Variants in SARDH observed in about 807,000 individuals in gnomAD.
SARDH encodes sarcosine dehydrogenase.
SARDH carries 95 observed loss-of-function variants against 109.1 expected under a neutral mutation model. The ratio of observed to expected loss-of-function variants is 0.87; its 90% CI spans 0.74 to 1.03. The LOEUF is 1.03. SARDH is among the 50% of genes least tolerant of loss of function. The pLI is 0.00. For synonymous variants in SARDH, 572 were observed against 534.8 expected, an observed-to-expected ratio of 1.07 and a Z score of -0.96; for missense variants, 1,267 against 1,287.8, an observed-to-expected ratio of 0.98 and a Z score of 0.25.
chr9:133,721,321 G>A (rs944604486), intron 6 of SARDH, among the ~76,000 whole-genome samples: 8 of 152,174 alleles, frequency 5.3e-5, no homozygotes, highest in Non-Finnish European at 1.2e-4. Flanking sequence ...CTCTTCAAAC[G>A]TCTAATGGAT....
intron 13 of SARDH, among the ~76,000 whole-genome samples, chr9:133,702,616 G>A (rs1223981559): frequency 6.6e-6 from 1 of 152,234 alleles, no homozygotes; most frequent in Admixed American, 6.5e-5. Flanking sequence ...GAGGCTCAGA[G>A]CGGTGCAGCC....
At chr9:133,707,125 A>C (rs1201615518) in intron 11 of SARDH, among the ~76,000 whole-genome samples, 1 of 152,216 alleles carries the variant, frequency 6.6e-6, no homozygotes, top group East Asian at 1.9e-4. Context: ...GCGGCTGTCA[A>C]GTGTCGCAAG....
rs987679274 is a variant in SARDH at position 133,711,594 on chromosome 9, G to A, written c.1328+1025C>T. 2.6e-5 allele frequency among the ~76,000 whole-genome samples: 4 copies of A among 152,280 alleles called. No homozygotes were observed. The South Asian group carries it at 6.2e-4, about 24-fold the overall frequency. The stretch of plus-strand genomic sequence containing the variant: ...GGGGGGCCTCAGTGTCACTGTCTCC[G>A]TGGGGTCAGACATTCTTCTCCACAG... On this transcript the variant is annotated intron_variant, in intron 10 of 20. Transcript: ENST00000439388.
chr9:133,735,719 T>TAAA (rs769045818), intron 1 of SARDH, among the ~76,000 whole-genome samples: 48 of 152,098 alleles, frequency 3.2e-4, no homozygotes, highest in Non-Finnish European at 5.3e-4. Context: ...ATTCTAATAG[T>TAAA]AAAAAAACAC....
intron 8 of SARDH, among the ~76,000 whole-genome samples, chr9:133,713,447 G>A (rs1032001258): frequency 6.6e-6 from 1 of 152,176 alleles, no homozygotes; most frequent in Admixed American, 6.5e-5. Flanking sequence ...ACCATGCTGC[G>A]GCTCCCCCAG....
At chr9:133,678,137 C>T (rs147532498) in intron 17 of SARDH, among the ~76,000 whole-genome samples, 4 of 152,286 alleles carry the variant, frequency 2.6e-5, no homozygotes, top group Middle Eastern at 3.4e-3. Flanking sequence ...ACTTAGGTGG[C>T]AAGTGTCGGT....
intron 14 of SARDH, among the ~76,000 whole-genome samples, chr9:133,694,665 T>A (rs796306474): frequency 3.0e-4 from 46 of 152,306 alleles, no homozygotes; most frequent in African/African-American, 1.0e-3. Context: ...CTCCCACCCA[T>A]CCACCACCAT....
chr9:133,719,516 G>C (rs1424760862), intron 6 of SARDH, among the ~76,000 whole-genome samples: 1 of 152,072 alleles, frequency 6.6e-6, no homozygotes, highest in Non-Finnish European at 1.5e-5. Flanking sequence ...AATCTTCAGA[G>C]CCACCCCAGG....
At chr9:133,660,021 T>C (rs983868916), downstream of SARDH, among the ~76,000 whole-genome samples, 1 of 152,056 alleles carries the variant, frequency 6.6e-6, no homozygotes, top group East Asian at 1.9e-4. Flanking sequence ...TTGGGAATCC[T>C]AGCCAGCTCT....
In SARDH at chr9:133,704,292, C is replaced by T. The variant is rs866565329; in HGVS notation, c.1554+656G>A. On this transcript the variant is annotated intron_variant, in intron 12 of 20. Transcript: ENST00000439388. The surrounding 1 kb of genome is among the most constrained non-coding windows in gnomAD (Gnocchi z 4.5). ...AGAGGGGACTGGTGAGACGCAGCCC[C>T]GGGAAGGGGATTTCGATTTCTGTAA... Among the ~76,000 whole-genome samples, 14 of 152,110 alleles carry T rather than the reference C, an allele frequency of 9.2e-5. No individual in the cohort carries two copies. The highest frequency in any genetic ancestry group is 2.7e-4 in the African/African-American group (11 of 41,406).
Position 133,719,026 on chromosome 9 carries a change from C to A in SARDH, c.932G>T (p.Arg311Leu). ...IEGIQNMPNV[R>L]DHDASVYLRL... ...GAGGTAGACAGAGGCATCATGATCA[C>A]GGACATTGGGCATGTTCTGGAAGGC... The change falls in exon 7 of 21, where the codon CGT becomes CTT. Residue 311 changes from arginine (R) to leucine (L), a missense_variant. Arg to Leu is a moderately radical substitution (Grantham distance 102). Coordinates refer to ENST00000439388, the MANE Select transcript of SARDH (RefSeq NM_001134707.2). The A allele has an allele frequency of 6.2e-7, 1 of 1,614,120 alleles. No homozygotes were observed. The highest frequency in any genetic ancestry group is 1.7e-5 in the Admixed American group (1 of 60,018).
At chr9:133,737,119 C>T (rs1184483186) in intron 1 of SARDH, among the ~76,000 whole-genome samples, 1 of 152,248 alleles carries the variant, frequency 6.6e-6, no homozygotes, top group East Asian at 1.9e-4. Context: ...TCAGGACCCA[C>T]TGCCACACTC....
Position 133,732,445 on chromosome 9 carries a change from T to G in SARDH, c.488A>C (p.Asp163Ala). The G allele has an allele frequency of 7.0e-7, 1 of 1,419,314 alleles. No homozygotes were observed. Among genetic ancestry groups the G allele is most frequent in the Non-Finnish European group, 9.5e-7 (1 of 1,057,704 alleles). The allele number at this position is 1,419,314 out of a possible 1,614,324, so 87.9% of individuals were successfully genotyped here. A position where few individuals can be genotyped will look rare whatever the true frequency, so the allele number is the denominator to read the frequency against. The change falls in exon 3 of 21, where the codon GAC becomes GCC. Residue 163 changes from aspartate (D) to alanine (A), a missense_variant. By Grantham distance (126) the Asp-to-Ala change is moderately radical. Transcript: ENST00000439388. ...LFIASNRQRL[D>A]EYKRLMSLGK... is the part of the protein sequence containing the mutation. ...CACCGACATGAGCCTCTTGTACTCG[T>G]CCAGGCGCTGCCGGTTGGACGCGAT... is the stretch of plus-strand genomic sequence containing the variant.
At chr9:133,671,324 C>A (rs1830338574) in intron 18 of SARDH, among the ~76,000 whole-genome samples, 1 of 152,068 alleles carries the variant, frequency 6.6e-6, no homozygotes, top group South Asian at 2.1e-4. Context: ...GTCCCTGGGG[C>A]CCTGCACGAA....
At chr9:133,661,043 AAATAC>A (rs1162607556), downstream of SARDH, among the ~76,000 whole-genome samples, 3 of 152,284 alleles carry the variant, frequency 2.0e-5, no homozygotes, top group East Asian at 5.8e-4. Context: ...TCTCTACAAA[AAATAC>A]AATAATTAGG....
chr9:133,662,227 C>T (rs572699418), downstream of SARDH, among the ~76,000 whole-genome samples: 2 of 152,146 alleles, frequency 1.3e-5, no homozygotes, highest in African/African-American at 4.8e-5. The surrounding 1 kb of genome is among the most constrained non-coding windows in gnomAD (Gnocchi z 5.1). Flanking sequence ...GGTGCCGTTG[C>T]GTGCATTCCC....
At chr9:133,664,712 CCTT>C (rs1442484636) in intron 20 of SARDH, among the ~76,000 whole-genome samples, 2 of 152,154 alleles carry the variant, frequency 1.3e-5, no homozygotes, top group Non-Finnish European at 1.5e-5. Context: ...TCAGAGGGCT[CCTT>C]CTTGTTCCTA....
At chr9:133,702,817 G>A in intron 13 of SARDH, 99 bp downstream of exon 13, 1 of 1,007,882 alleles carries the variant, frequency 9.9e-7, no homozygotes, top group East Asian at 2.5e-5. Context: ...GACTCCTGGG[G>A]GAGGGGAGCC....
Position 133,712,567 on chromosome 9 carries a change from G to T in SARDH, c.1328+52C>A. 2 of 1,513,172 alleles carry T rather than the reference G, an allele frequency of 1.3e-6. No homozygotes were observed. Among genetic ancestry groups the T allele is most frequent in the Non-Finnish European group, 1.8e-6 (2 of 1,098,660 alleles). 93.7% of individuals were successfully genotyped at this position (1,513,172 alleles called of 1,614,324 possible). ...CAGTAGCCCTCGCTGTTTACCCCAC[G>T]CCACCTGTCCTGAGTGGCGGGCCCT... is the stretch of plus-strand genomic sequence containing the variant. On this transcript the variant is annotated intron_variant, in intron 10 of 20. Coordinates refer to ENST00000439388, the MANE Select transcript of SARDH (RefSeq NM_001134707.2). The surrounding 1 kb of genome is among the most constrained non-coding windows in gnomAD (Gnocchi z 4.1).
Sources: gnomAD v4.1 joint callset for allele counts (sites outside exome capture counted in the v4.1 genomes callset) on GRCh38, gnomAD v4.1.1 for gene constraint, Gnocchi (gnomAD v3.1) non-coding constraint, MANE v1.5 for transcripts, NCBI Gene and HGNC (gene_info 2026-07-23, HGNC 2026-07-21) for gene names.